The following ABCC9 variants were observed in gnomAD, a reference collection of about 807,000 sequenced individuals.
ABCC9 encodes the protein ATP binding cassette subfamily C member 9.
In ABCC9, 95 loss-of-function variants were observed where a neutral mutation model predicts 188.3. The observed-to-expected ratio is 0.50, with a 90% CI of 0.43 to 0.60. The LOEUF (loss-of-function observed/expected upper bound fraction) is 0.60, where lower values mean the gene tolerates loss of function less well. Among genes scored for constraint, ABCC9 ranks in the 20% least tolerant of loss-of-function variants. The pLI is 0.00. For missense variants in ABCC9, 1,102 were observed against 1,876.3 expected, an observed-to-expected ratio of 0.59 and a Z score of 7.62; for synonymous variants, 659 against 652.7, an observed-to-expected ratio of 1.01 and a Z score of -0.15.
rs58158490 is a variant in ABCC9 at position 21,816,963 on chromosome 12, G to A, written c.3892+224C>T. On this transcript the variant is annotated intron_variant, in intron 33 of 39. Coordinates refer to ENST00000261200, the MANE Select transcript of ABCC9 (RefSeq NM_020297.4). ...AATCCCAAATATTTTCTCTTTAAATGTCATTAAATAAATATCTGTTTGGAC... is the reference window on the plus strand; with the variant it reads ...AATCCCAAATATTTTCTCTTTAAATATCATTAAATAAATATCTGTTTGGAC... 0.018 allele frequency among the ~76,000 whole-genome samples: 2,760 copies of A among 152,148 alleles called. 81 individuals carry two copies. Among genetic ancestry groups the A allele is most frequent in the African/African-American group, 0.063 (2,635 of 41,514 alleles).
In ABCC9 at chr12:21,852,120, G is replaced by A. The variant is rs533032970; in HGVS notation, c.2746C>T (p.Arg916Trp). The A allele has an allele frequency of 2.5e-6, 4 of 1,613,550 alleles. No individual in the cohort carries two copies. Among genetic ancestry groups the A allele is most frequent in the Middle Eastern group, 1.7e-4 (1 of 6,056 alleles). ...ACCTTTTCTAATTCTTGATCTTGCC[G>A]ATTCATAAGTGTTTTCCAGTGTTCA... Reference protein sequence around the residue: ...LYEHWKTLMNRQDQELEKDME... With the variant: ...LYEHWKTLMNWQDQELEKDME... Residue 916 changes from arginine to tryptophan, a missense_variant, in exon 24 of 40, where the codon CGG becomes TGG. Physicochemically the swap from Arg to Trp is moderately radical, Grantham distance 101 (BLOSUM62 -3). This residue lies in a region of ABCC9 where 131 missense variants were observed against 170.2 expected (regional missense o/e 0.77). Transcript: ENST00000261200.
At chr12:21,912,707 A>T (rs1417976373) in intron 8 of ABCC9, among the ~76,000 whole-genome samples, 165 bp downstream of exon 8, 3 of 151,868 alleles carry the variant, frequency 2.0e-5, no homozygotes, top group African/African-American at 7.3e-5. Context: ...TAAACACGTG[A>T]TTTTTTTCTA....
chr12:21,824,102 GGAAAA>G (rs1447384496), intron 31 of ABCC9, among the ~76,000 whole-genome samples: 1 of 152,066 alleles, frequency 6.6e-6, no homozygotes, highest in Non-Finnish European at 1.5e-5. Context: ...AACATGACTT[GGAAAA>G]GAAAAGAAAG....
At position 21,806,009 on chromosome 12, in the gene ABCC9, C is replaced by A. The variant is rs1391043099; in HGVS notation, c.4501G>T (p.Val1501Leu). Residue 1501 changes from valine to leucine, a missense_variant, in exon 39 of 40, where the codon GTG (valine) becomes TTG (leucine). By Grantham distance (32) the Val-to-Leu change is conservative (BLOSUM62 1). Around this residue, in one of 12 missense-constraint regions of ABCC9, gnomAD observed 40 missense variants for 105.5 expected, o/e 0.38. Coordinates refer to ENST00000261200, the MANE Select transcript of ABCC9 (RefSeq NM_020297.4). Reference protein sequence around the residue: ...VMTAFADRTVVTIAHRVHTIL... With the variant: ...VMTAFADRTVLTIAHRVHTIL... ...CTTCTCATACTTACAGCTATTGTCA[C>A]CACGGTCCGGTCTGCAAAGGCTGTC... 1 of 1,613,808 alleles carries A rather than the reference C, an allele frequency of 6.2e-7. No homozygotes were observed. The highest frequency in any genetic ancestry group is 8.5e-7 in the Non-Finnish European group (1 of 1,179,820).
At chr12:21,823,768 G>A (rs560359878) in intron 31 of ABCC9, among the ~76,000 whole-genome samples, 1 of 152,232 alleles carries the variant, frequency 6.6e-6, no homozygotes, top group Non-Finnish European at 1.5e-5. Context: ...ACGAGAGGAC[G>A]CAAGCAGCAA....
At chr12:21,828,911 CGTCT>C (rs1943549941) in intron 31 of ABCC9, 43 bp downstream of exon 31, 1 of 1,461,624 alleles carries the variant, frequency 6.8e-7, no homozygotes. Context: ...TTGCAGCAGG[CGTCT>C]TCTCTATTTG....
intron 12 of ABCC9, among the ~76,000 whole-genome samples, chr12:21,897,943 T>C (rs1337933491): frequency 1.3e-5 from 2 of 152,190 alleles, no homozygotes; most frequent in Non-Finnish European, 1.5e-5. Flanking sequence ...GCTGGATGAT[T>C]TGAAAGAAGT....
chr12:21,852,583 T>C, intron 22 of ABCC9, 78 bp from the exon 23 acceptor site: 2 of 1,511,602 alleles, frequency 1.3e-6, no homozygotes, highest in South Asian at 1.1e-5. Flanking sequence ...AAAATAGTAA[T>C]ACAAATAACT....
chr12:21,818,458 A>ATATATCTATATC (rs112311983), intron 31 of ABCC9, among the ~76,000 whole-genome samples: 4 of 147,230 alleles, frequency 2.7e-5, no homozygotes, highest in African/African-American at 5.0e-5. Flanking sequence ...CTCTCACTAT[A>ATATATCTATATC]TATATCTATA....
intron 31 of ABCC9, among the ~76,000 whole-genome samples, chr12:21,825,639 G>C (rs533937828): frequency 6.7e-6 from 1 of 150,214 alleles, no homozygotes; most frequent in Admixed American, 6.7e-5. Context: ...ATTGGGATCT[G>C]TCCGGGGGTG....
chr12:21,894,076 G>A lies in ABCC9; in HGVS notation c.1758C>T (p.Phe586=). The change falls in exon 14 of 40, where the codon TTC becomes TTT. Residue 586 remains phenylalanine (F), a synonymous_variant. Transcript: ENST00000261200. The part of the protein sequence containing the change: ...SLFHILVTPL[F]LLSTVVRFAV... ...CAAATCTGACCACCGTGGAGAGCAG[G>A]AACAGTGGTGTGACCAGGATATGGA... The A allele has an allele frequency of 6.2e-7, 1 of 1,614,056 alleles. No individual in the cohort carries two copies. Among genetic ancestry groups the A allele is most frequent in the East Asian group, 2.2e-5 (1 of 44,878 alleles).
At chr12:21,849,502 T>C (rs1944854452) in intron 24 of ABCC9, among the ~76,000 whole-genome samples, 1 of 152,176 alleles carries the variant, frequency 6.6e-6, no homozygotes, top group South Asian at 2.1e-4. Context: ...GCATATCATA[T>C]AATGAAATAA....
rs908787608 is a variant in ABCC9 at position 21,859,748 on chromosome 12, T to C, written c.2425-82A>G. On this transcript the variant is annotated intron_variant, in intron 21 of 39. Coordinates refer to ENST00000261200, the MANE Select transcript of ABCC9 (RefSeq NM_020297.4). ...GTAATATGACCTTAAATTACAAACG[T>C]CTTTTTAAAAATCTTAGATTGATAG... The C allele has an allele frequency of 5.9e-6, 7 of 1,195,422 alleles. No homozygotes were observed. In the African/African-American group the frequency reaches 9.0e-5, roughly 15 times the overall value. 74.1% of individuals were successfully genotyped at this position (1,195,422 alleles called of 1,614,324 possible).
At chr12:21,842,222 A>G in intron 29 of ABCC9, 92 bp downstream of exon 29, 1 of 1,460,030 alleles carries the variant, frequency 6.8e-7, no homozygotes, top group Non-Finnish European at 9.4e-7. Flanking sequence ...TTCTTTCCAA[A>G]TATTTTTGAT....
At position 21,905,076 on chromosome 12, in the gene ABCC9, T is replaced by C. The variant is rs553450059; in HGVS notation, c.1618+1050A>G. On this transcript the variant is annotated intron_variant, in intron 12 of 39. Coordinates refer to ENST00000261200, the MANE Select transcript of ABCC9 (RefSeq NM_020297.4). ...GGATTAAGAAAATGTGGCACATATA[T>C]ACCATGGAATACTATGCAGCCATAA... Among the ~76,000 whole-genome samples the C allele has an allele frequency of 6.8e-4, 104 of 152,224 alleles. 1 individual carries two copies. The highest frequency in any genetic ancestry group is 2.4e-3 in the African/African-American group (98 of 41,540).
chr12:21,815,440 G>T lies in ABCC9; in HGVS notation c.4023+323C>A, dbSNP rs111347432. Among the ~76,000 whole-genome samples the T allele has an allele frequency of 4.2e-3, 633 of 151,850 alleles. No homozygotes were observed. Among genetic ancestry groups the T allele is most frequent in the African/African-American group, 0.014 (599 of 41,452 alleles). The stretch of plus-strand genomic sequence containing the variant: ...ACAATAACTAAAAGAAGTCATTTGG[G>T]GACTAGAGTTATTATGAATGCAAAG... On this transcript the variant is annotated intron_variant, in intron 34 of 39. Transcript: ENST00000261200.
At chr12:21,929,897 A>T (rs1369164778) in intron 4 of ABCC9, among the ~76,000 whole-genome samples, 1 of 152,052 alleles carries the variant, frequency 6.6e-6, no homozygotes, top group African/African-American at 2.4e-5. Context: ...GTTTTGTTAC[A>T]TATGTATACA....
intron 36 of ABCC9, 34 bp downstream of exon 36, chr12:21,812,015 A>C (rs781635845): frequency 4.2e-6 from 6 of 1,443,142 alleles, no homozygotes; most frequent in Non-Finnish European, 5.9e-6. Context: ...GCTAAATCCT[A>C]AGGCATACAG....
chr12:21,909,749 G>A (rs369787763), intron 10 of ABCC9, among the ~76,000 whole-genome samples: 7 of 151,872 alleles, frequency 4.6e-5, no homozygotes, highest in African/African-American at 1.7e-4. Flanking sequence ...TACATGAATC[G>A]AGGCAATAAT....
Sources: allele counts gnomAD v4.1 joint callset (sites outside exome capture counted in the v4.1 genomes callset), GRCh38; gene constraint gnomAD v4.1.1; regional missense constraint gnomAD v4.1.1; transcripts MANE v1.5; gene names NCBI Gene and HGNC (gene_info 2026-07-23, HGNC 2026-07-21).